VPS13B: variants seen among roughly 807,000 people sequenced by gnomAD.
The protein encoded by VPS13B is vacuolar protein sorting 13 homolog B.
In VPS13B, 285 loss-of-function variants were observed where a neutral mutation model predicts 426.4. The observed-to-expected ratio is 0.67, with a 90% CI of 0.61 to 0.74. The LOEUF is 0.74. Ranked by LOEUF, VPS13B falls within the 30% of genes least tolerant of loss-of-function variation. The pLI, the probability that VPS13B is intolerant of heterozygous loss-of-function variation, is 0.00. For missense variants in VPS13B, 4,537 were observed against 4,782.6 expected (o/e 0.95, Z 1.51); for synonymous variants, 1,676 against 1,676.4 (o/e 1.00, Z 0.01).
intron 17 of VPS13B, among the ~76,000 whole-genome samples, chr8:99,267,051 A>G (rs1214088512): frequency 4.6e-5 from 7 of 152,208 alleles, no homozygotes; most frequent in Admixed American, 4.6e-4. Flanking sequence ...TCAGAAGAAG[A>G]CAGGAAAATG....
rs1846416304 is a variant in VPS13B at position 99,096,344 on chromosome 8, C to A, written c.324C>A (p.Thr108=). ...DDHESCGSNS[T]NRSTAESTKS... is the part of the protein sequence containing the mutation. ...ATGAAAGCTGTGGTTCTAATTCTAC[C>A]AACCGTAGTACTGCTGAGAGCACAA... Residue 108 remains threonine, a synonymous_variant, in exon 4 of 62, where the codon ACC becomes ACA. Transcript: ENST00000357162. 1 of 1,613,860 alleles carries A rather than the reference C, an allele frequency of 6.2e-7. No individual in the cohort carries two copies. The highest frequency in any genetic ancestry group is 2.2e-5 in the East Asian group (1 of 44,876).
chr8:99,115,482 G>A (rs1352047582), intron 6 of VPS13B, among the ~76,000 whole-genome samples: 1 of 151,818 alleles, frequency 6.6e-6, no homozygotes, highest in Non-Finnish European at 1.5e-5. Flanking sequence ...TACATCATTT[G>A]GTTTAATATC....
chr8:99,060,090 A>G (rs1218807498), intron 3 of VPS13B, among the ~76,000 whole-genome samples: 2 of 152,090 alleles, frequency 1.3e-5, no homozygotes, highest in Non-Finnish European at 2.9e-5. Context: ...AACATTATTG[A>G]AAAAGAAGTA....
At chr8:99,345,219 T>G (rs115998258) in intron 19 of VPS13B, among the ~76,000 whole-genome samples, 231 of 152,328 alleles carry the variant, frequency 1.5e-3, no homozygotes, top group African/African-American at 5.3e-3. Context: ...CTCTTTAGTC[T>G]GCTTGCTTTT....
rs769449805 is a variant in VPS13B at position 99,121,196 on chromosome 8, A to T, written c.957A>T (p.Arg319Ser). Reference sequence around the variant, plus strand: ...TGATAGGTTCTGAAGATGAAACAAGAATAGATATGCAATATCCTGCTCAGC... The same window carrying T: ...TGATAGGTTCTGAAGATGAAACAAGTATAGATATGCAATATCCTGCTCAGC... ...GNITGSEDET[R>S]IDMQYPAQHK... The change falls in exon 8 of 62, where the codon AGA (arginine) becomes AGT (serine). Residue 319 changes from arginine to serine, a missense_variant. Physicochemically the swap from Arg to Ser is moderately radical, Grantham distance 110. Transcript: ENST00000357162. 7 of 1,613,786 alleles carry T rather than the reference A, an allele frequency of 4.3e-6. No individual in the cohort carries two copies. Among genetic ancestry groups the T allele is most frequent in the Non-Finnish European group, 5.9e-6 (7 of 1,179,860 alleles).
intron 39 of VPS13B, among the ~76,000 whole-genome samples, chr8:99,760,876 G>T (rs1040379001): frequency 6.6e-6 from 1 of 152,096 alleles, no homozygotes; most frequent in African/African-American, 2.4e-5. Flanking sequence ...CATTGTATTA[G>T]GTATCATGAG....
At chr8:99,026,499 G>A (rs1936908809) in intron 2 of VPS13B, among the ~76,000 whole-genome samples, 1 of 152,090 alleles carries the variant, frequency 6.6e-6, no homozygotes, top group Admixed American at 6.5e-5. Flanking sequence ...GATATTTTTG[G>A]CTGATTTTCT....
intron 17 of VPS13B, among the ~76,000 whole-genome samples, chr8:99,221,808 A>C (rs1815740637): frequency 6.6e-6 from 1 of 152,200 alleles, no homozygotes; most frequent in Non-Finnish European, 1.5e-5. Flanking sequence ...TCCTGGGCTC[A>C]GGCCATGCTC....
chr8:99,815,785 G>A (rs918893962), intron 44 of VPS13B, among the ~76,000 whole-genome samples: 10 of 152,096 alleles, frequency 6.6e-5, no homozygotes, highest in African/African-American at 9.7e-5. Flanking sequence ...ATTCACCACC[G>A]TATTAAATTT....
chr8:99,697,870 C>T, intron 35 of VPS13B: 2 of 537,274 alleles, frequency 3.7e-6, no homozygotes, highest in Non-Finnish European at 7.2e-6. Context: ...GCAAGGTCAA[C>T]ATCAATGACC....
At chr8:99,428,984 C>T (rs538055896) in intron 21 of VPS13B, among the ~76,000 whole-genome samples, 1 of 152,162 alleles carries the variant, frequency 6.6e-6, no homozygotes, top group Admixed American at 6.5e-5. Flanking sequence ...TTTGTAGGGA[C>T]ATGGATGAAG....
At chr8:99,398,994 T>G (rs574690066) in intron 21 of VPS13B, among the ~76,000 whole-genome samples, 1 of 152,152 alleles carries the variant, frequency 6.6e-6, no homozygotes, top group African/African-American at 2.4e-5. Flanking sequence ...TTTTATTTTT[T>G]CTTTACAAAT....
intron 33 of VPS13B, among the ~76,000 whole-genome samples, chr8:99,608,150 CTTTT>C (rs200976473): frequency 7.2e-6 from 1 of 138,468 alleles, no homozygotes. Context: ...TTTTAATCTA[CTTTT>C]TTTTTTTTTT....
intron 16 of VPS13B, among the ~76,000 whole-genome samples, chr8:99,171,740 A>G (rs1234029008): frequency 6.6e-6 from 1 of 152,066 alleles, no homozygotes; most frequent in Non-Finnish European, 1.5e-5. Flanking sequence ...GCTATGCTTT[A>G]TAGAAGTATA....
At chr8:99,705,763 C>T (rs1832473714) in intron 36 of VPS13B, among the ~76,000 whole-genome samples, 1 of 152,104 alleles carries the variant, frequency 6.6e-6, no homozygotes, top group Non-Finnish European at 1.5e-5. Flanking sequence ...GTTGCTATAG[C>T]TGTTTTGGAT....
intron 12 of VPS13B, among the ~76,000 whole-genome samples, chr8:99,141,920 G>T (rs566112892): frequency 6.6e-6 from 1 of 151,598 alleles, no homozygotes; most frequent in East Asian, 1.9e-4. Context: ...GGGCGTGGTG[G>T]TGGGCGCCTG....
rs186596752 is a variant in VPS13B, at chr8:99,075,940, G to T, written c.292-20372G>T. ...GGTTTTTCCTCTTCTGGTTTCTTGA[G>T]AGTCATCATTAGGTGGTTTTTTTGA... On this transcript the variant is annotated intron_variant, in intron 3 of 61. Transcript: ENST00000357162. 2.0e-5 allele frequency among the ~76,000 whole-genome samples: 3 copies of T among 152,120 alleles called. No homozygotes were observed. In the East Asian group the frequency reaches 5.8e-4, roughly 29 times the overall value.
intron 17 of VPS13B, chr8:99,233,543 G>T (rs1816471000): frequency 1.8e-6 from 2 of 1,120,602 alleles, no homozygotes; most frequent in Non-Finnish European, 1.4e-6. Context: ...TGGTGATGGG[G>T]GTACAGGCTG....
intron 36 of VPS13B, among the ~76,000 whole-genome samples, chr8:99,716,075 T>C (rs758546928): frequency 1.3e-5 from 2 of 152,146 alleles, no homozygotes; most frequent in Non-Finnish European, 2.9e-5. Context: ...GTTTCACAAT[T>C]TGATGAAACA....
Sources: gnomAD v4.1 joint callset for allele counts (sites outside exome capture counted in the v4.1 genomes callset) on GRCh38, gnomAD v4.1.1 for gene constraint, MANE v1.5 for transcripts, NCBI Gene and HGNC (gene_info 2026-07-23, HGNC 2026-07-21) for gene names.